The following LRMDA variants were observed in gnomAD, a reference collection of about 807,000 sequenced individuals.
LRMDA encodes leucine-rich melanocyte differentiation-associated protein.
Under a neutral mutation model 29.8 loss-of-function variants are expected in LRMDA, and 18 were observed. The ratio of observed to expected loss-of-function variants is 0.60; its 90% CI spans 0.42 to 0.90. The LOEUF is 0.90. Among genes scored for constraint, LRMDA ranks in the 40% least tolerant of loss-of-function variants. LRMDA has a pLI of 0.00. For missense variants in LRMDA, 273 were observed against 273.9 expected (o/e 1.00, Z 0.02); for synonymous variants, 125 against 109.4 (o/e 1.14, Z -0.89).
chr10:76,419,479 C>T (rs1009631892), intron 6 of LRMDA, among the ~76,000 whole-genome samples: 1 of 152,040 alleles, frequency 6.6e-6, no homozygotes, highest in Non-Finnish European at 1.5e-5. Flanking sequence ...ATATATTTAT[C>T]CATTCACCTA....
intron 2 of LRMDA, among the ~76,000 whole-genome samples, chr10:75,740,154 T>C (rs577129932): frequency 1.3e-5 from 2 of 152,332 alleles, no homozygotes; most frequent in Non-Finnish European, 2.9e-5. Context: ...ATAAAATAAA[T>C]GCGTGCTTTT....
intron 5 of LRMDA, among the ~76,000 whole-genome samples, chr10:76,194,865 C>A (rs950995116): frequency 1.2e-4 from 19 of 152,264 alleles, no homozygotes; most frequent in Admixed American, 8.5e-4. Context: ...GCTTCTCAAG[C>A]CTTTAATGTT....
chr10:75,941,718 A>G (rs908851567), intron 2 of LRMDA, among the ~76,000 whole-genome samples: 2 of 152,196 alleles, frequency 1.3e-5, no homozygotes, highest in East Asian at 1.9e-4. Context: ...CCCCCAAAGC[A>G]GCCATGCAGA....
chr10:75,453,951 C>A (rs766271448), intron 2 of LRMDA, among the ~76,000 whole-genome samples: 4 of 152,102 alleles, frequency 2.6e-5, no homozygotes, highest in Non-Finnish European at 5.9e-5. Context: ...AACTGAAGGC[C>A]CCAAAACCCA....
intron 6 of LRMDA, among the ~76,000 whole-genome samples, chr10:76,361,021 G>A (rs2132443972): frequency 6.6e-6 from 1 of 152,278 alleles, no homozygotes; most frequent in South Asian, 2.1e-4. Context: ...AGCACTTTGG[G>A]AGGCTGAGGC....
At chr10:76,225,329 T>G (rs1003257247) in intron 5 of LRMDA, among the ~76,000 whole-genome samples, 9 of 151,954 alleles carry the variant, frequency 5.9e-5, no homozygotes, top group African/African-American at 1.9e-4. Flanking sequence ...GAGAATTGCT[T>G]GAACCCAGGA....
At chr10:76,354,157 A>T (rs910492581) in intron 6 of LRMDA, among the ~76,000 whole-genome samples, 1 of 152,124 alleles carries the variant, frequency 6.6e-6, no homozygotes, top group South Asian at 2.1e-4. Flanking sequence ...ACCCGAATAC[A>T]TATGGCTCAG....
At chr10:75,976,048 C>T (rs953314001) in intron 2 of LRMDA, among the ~76,000 whole-genome samples, 4 of 152,230 alleles carry the variant, frequency 2.6e-5, no homozygotes, top group African/African-American at 9.6e-5. Context: ...TCAATCAGCT[C>T]CTGTCACTCT....
chr10:75,955,792 A>G (rs775013673), intron 2 of LRMDA, among the ~76,000 whole-genome samples: 2 of 152,158 alleles, frequency 1.3e-5, no homozygotes, highest in Non-Finnish European at 2.9e-5. Flanking sequence ...GCTGAGCCCT[A>G]TGCTGAGTTA....
rs529262780 is a variant in LRMDA at position 76,434,842 on chromosome 10, C to T, written c.601+110357C>T. ...ACCTACCTGTACACGCACACACTGC[C>T]ACCCAACCATTAAGTGTCTGCTTGG... On this transcript the variant is annotated intron_variant, in intron 6 of 6. Transcript: ENST00000611255. Among the ~76,000 whole-genome samples the T allele has an allele frequency of 1.3e-3, 194 of 152,298 alleles. 5 individuals carry two copies. In the South Asian group the frequency reaches 0.027, roughly 21 times the overall value.
chr10:75,922,941 A>T lies in LRMDA; in HGVS notation c.132-113067A>T, dbSNP rs1846050234. Among the ~76,000 whole-genome samples, 9 of 152,264 alleles carry T rather than the reference A, an allele frequency of 5.9e-5. No individual in the cohort carries two copies. In the South Asian group the frequency reaches 1.9e-3, roughly 32 times the overall value. ...TTATCACACTCTTACAGTGTGCCAG[A>T]ATATAAAGGCTACAGGTATCATCTC... On this transcript the variant is annotated intron_variant, in intron 2 of 6. Coordinates refer to ENST00000611255, the MANE Select transcript of LRMDA (RefSeq NM_001305581.2).
intron 2 of LRMDA, among the ~76,000 whole-genome samples, chr10:75,534,043 A>T (rs1374668751): frequency 6.6e-6 from 1 of 152,206 alleles, no homozygotes; most frequent in African/African-American, 2.4e-5. Flanking sequence ...TATAGAACCC[A>T]GTTTCAATCT....
Position 76,035,990 on chromosome 10 carries a change from T to C in LRMDA, c.132-18T>C. 6.2e-7 allele frequency: 1 copy of C among 1,612,316 alleles called. No individual in the cohort carries two copies. Among genetic ancestry groups the C allele is most frequent in the Non-Finnish European group, 8.5e-7 (1 of 1,179,408 alleles). The stretch of plus-strand genomic sequence containing the variant: ...ATTTAGTGCAGGATCATTTTTCCTG[T>C]TGCCTTTGTCATTGCAGGTCACTGG... On this transcript the variant is annotated intron_variant, in intron 2 of 6. Coordinates refer to ENST00000611255, the MANE Select transcript of LRMDA (RefSeq NM_001305581.2).
intron 2 of LRMDA, among the ~76,000 whole-genome samples, chr10:75,831,962 C>T (rs1755122949): frequency 6.6e-6 from 1 of 152,204 alleles, no homozygotes; most frequent in African/African-American, 2.4e-5. Flanking sequence ...CTGGGCCCAG[C>T]CCGTGAAACC....
chr10:75,915,815 A>G (rs1845922933), intron 2 of LRMDA, among the ~76,000 whole-genome samples: 1 of 152,184 alleles, frequency 6.6e-6, no homozygotes, highest in African/African-American at 2.4e-5. Context: ...GCAGGGGGAT[A>G]GGGTCAGAAT....
chr10:76,368,371 A>C (rs1294024156), intron 6 of LRMDA, among the ~76,000 whole-genome samples: 3 of 152,156 alleles, frequency 2.0e-5, no homozygotes, highest in Non-Finnish European at 2.9e-5. Context: ...ATGTTCATTC[A>C]GGAGCAGGTT....
intron 2 of LRMDA, among the ~76,000 whole-genome samples, chr10:76,018,278 C>G (rs1847911615): frequency 6.6e-6 from 1 of 152,200 alleles, no homozygotes; most frequent in African/African-American, 2.4e-5. Context: ...TGATGTTTAT[C>G]ATCATCCCTG....
At chr10:76,288,069 G>C (rs1386837403) in intron 5 of LRMDA, among the ~76,000 whole-genome samples, 1 of 152,154 alleles carries the variant, frequency 6.6e-6, no homozygotes, top group Non-Finnish European at 1.5e-5. Context: ...AGTGATTCAT[G>C]AACTAGGCAG....
chr10:75,984,100 G>C (rs1847221513), intron 2 of LRMDA, among the ~76,000 whole-genome samples: 1 of 152,212 alleles, frequency 6.6e-6, no homozygotes, highest in Non-Finnish European at 1.5e-5. Context: ...GAGAATGTCA[G>C]TGTCTGGGCA....
Sources: allele counts gnomAD v4.1 joint callset (sites outside exome capture counted in the v4.1 genomes callset), GRCh38; gene constraint gnomAD v4.1.1; transcripts MANE v1.5; gene names NCBI Gene and HGNC (gene_info 2026-07-23, HGNC 2026-07-21).